The following KANSL1 variants were observed in gnomAD, a reference collection of about 807,000 sequenced individuals.
KANSL1 encodes KAT8 regulatory NSL complex subunit 1.
Under a neutral mutation model 103.6 loss-of-function variants are expected in KANSL1, and 22 were observed. That is an observed-to-expected ratio of 0.21 (90% CI 0.15 to 0.30). KANSL1 has a LOEUF of 0.30. Among genes scored for constraint, KANSL1 ranks in the 10% least tolerant of loss-of-function variants. KANSL1 has a pLI of 1.00. For missense variants in KANSL1, 1,337 were observed against 1,399.8 expected (o/e 0.96, Z 0.72); for synonymous variants, 600 against 527.6 (o/e 1.14, Z -1.88).
In KANSL1 at chr17:46,141,072, T is replaced by TAA. The variant is rs374950728; in HGVS notation, c.1289+29781_1289+29782dup. Among the ~76,000 whole-genome samples the TAA allele has an allele frequency of 5.5e-4, 81 of 145,948 alleles. No individual in the cohort carries two copies. In the East Asian group the frequency reaches 7.0e-3, roughly 13 times the overall value. On this transcript the variant is annotated intron_variant, in intron 2 of 14. Coordinates refer to ENST00000432791, the MANE Select transcript of KANSL1 (RefSeq NM_015443.4). Reference sequence around the variant, plus strand: ...AGAACAGTGATTGATCCTGTTTGTTTAAAAAAAAAAAAAGACAATGTACTC... The same window carrying TAA: ...AGAACAGTGATTGATCCTGTTTGTTTAAAAAAAAAAAAAAAGACAATGTACTC...
chr17:46,130,734 A>C (rs553096323), intron 2 of KANSL1, among the ~76,000 whole-genome samples: 2 of 152,294 alleles, frequency 1.3e-5, no homozygotes, highest in East Asian at 3.9e-4. Flanking sequence ...ACAGCTAAAT[A>C]CATCTCCAGC....
chr17:46,069,003 G>A (rs759094181), intron 4 of KANSL1, among the ~76,000 whole-genome samples: 5 of 152,128 alleles, frequency 3.3e-5, no homozygotes, highest in East Asian at 3.9e-4. Context: ...GCAGCTCACC[G>A]TAGCCTCCAC....
At chr17:46,074,280 G>C (rs1201496087) in intron 4 of KANSL1, among the ~76,000 whole-genome samples, 1 of 152,118 alleles carries the variant, frequency 6.6e-6, no homozygotes, top group African/African-American at 2.4e-5. Context: ...TGGAGCAACT[G>C]TATAAACAGT....
intron 9 of KANSL1, 60 bp downstream of exon 9, chr17:46,038,967 G>T: frequency 7.7e-6 from 12 of 1,565,136 alleles, no homozygotes; most frequent in Non-Finnish European, 1.0e-5. Context: ...AGCCTAGGCT[G>T]CCCCAGAAAG....
chr17:46,206,796 A>G (rs2047983548), intron 1 of KANSL1, among the ~76,000 whole-genome samples: 1 of 152,260 alleles, frequency 6.6e-6, no homozygotes, highest in African/African-American at 2.4e-5. Context: ...CACATGCAAC[A>G]AAGGAAAAAA....
chr17:46,181,305 T>TTAGAAGTGAGGG (rs1212092150), intron 1 of KANSL1, among the ~76,000 whole-genome samples: 1 of 152,240 alleles, frequency 6.6e-6, no homozygotes, highest in Non-Finnish European at 1.5e-5. Flanking sequence ...ACACTATCAG[T>TTAGAAGTGAGGG]CTAGCCCAGG....
intron 1 of KANSL1, among the ~76,000 whole-genome samples, chr17:46,204,641 T>C (rs2942163): frequency 0.14 from 21,953 of 152,190 alleles, 2,133 homozygotes; most frequent in Non-Finnish European, 0.22. Context: ...AAACCAGACA[T>C]AGATATCACA....
intron 7 of KANSL1, among the ~76,000 whole-genome samples, chr17:46,046,987 ACT>A (rs956440067): frequency 6.6e-6 from 1 of 152,114 alleles, no homozygotes; most frequent in African/African-American, 2.4e-5. Context: ...AAAGTCAGTG[ACT>A]CTGGAATCTG....
chr17:46,098,491 TA>T (rs1427475627), intron 2 of KANSL1, among the ~76,000 whole-genome samples: 1 of 152,262 alleles, frequency 6.6e-6, no homozygotes, highest in African/African-American at 2.4e-5. Flanking sequence ...GAAAATTACT[TA>T]AAACATTTTA....
chr17:46,151,048 G>A (rs1161506179), intron 2 of KANSL1, among the ~76,000 whole-genome samples: 4 of 152,112 alleles, frequency 2.6e-5, no homozygotes, highest in African/African-American at 7.2e-5. Flanking sequence ...TCACAGAGAA[G>A]TAATACAACA....
rs750907307 is a variant in KANSL1, at chr17:46,171,969, G to A, written c.175C>T (p.Pro59Ser). 4 of 1,614,268 alleles carry A rather than the reference G, an allele frequency of 2.5e-6. No homozygotes were observed. The highest frequency in any genetic ancestry group is 2.2e-5 in the South Asian group (2 of 91,092). Residue 59 changes from proline (P) to serine (S), a missense_variant, in exon 2 of 15, where the codon CCC (proline) becomes TCC (serine). Physicochemically the swap from Pro to Ser is moderately conservative, Grantham distance 74. Coordinates refer to ENST00000432791, the MANE Select transcript of KANSL1 (RefSeq NM_015443.4). Reference sequence around the variant, plus strand: ...GGATTATTTCGGAAATCTAGGCTGGGATCCTCTGCAGCAATGGCTTTTCTT... The same window carrying A: ...GGATTATTTCGGAAATCTAGGCTGGAATCCTCTGCAGCAATGGCTTTTCTT... ...TKRKAIAAED[P>S]SLDFRNNPTK...
chr17:46,075,370 G>GCT (rs112597362), intron 4 of KANSL1, among the ~76,000 whole-genome samples: 21,729 of 152,004 alleles, frequency 0.14, 2,102 homozygotes, highest in Non-Finnish European at 0.22. Context: ...ACACAATCTC[G>GCT]CTGTTGACCA....
At chr17:46,159,369 T>C (rs2147598570) in intron 2 of KANSL1, among the ~76,000 whole-genome samples, 1 of 152,366 alleles carries the variant, frequency 6.6e-6, no homozygotes, top group South Asian at 2.1e-4. Flanking sequence ...CTTACTCCCC[T>C]TTTAGTACTA....
chr17:46,185,184 A>T (rs2046962454), intron 1 of KANSL1, among the ~76,000 whole-genome samples: 1 of 152,236 alleles, frequency 6.6e-6, no homozygotes, highest in South Asian at 2.1e-4. Context: ...GTCCCCTACA[A>T]GCAGCACAAT....
chr17:46,223,194 A>AG (rs1471700728), intron 1 of KANSL1: 5 of 152,072 alleles, frequency 3.3e-5, no homozygotes, highest in Admixed American at 2.0e-4. Flanking sequence ...AGCAGGTCTT[A>AG]GAATGCCCTA....
Position 46,050,220 on chromosome 17 carries a change from C to T in KANSL1, c.2020+313G>A, listed in dbSNP as rs1002472694. On this transcript the variant is annotated intron_variant, in intron 7 of 14. Transcript: ENST00000432791. Reference sequence around the variant, plus strand: ...CGTGACCCACCACGCCTGGCCCAGACAAAACATTTTTAAAGATATACTAAG... The same window carrying T: ...CGTGACCCACCACGCCTGGCCCAGATAAAACATTTTTAAAGATATACTAAG... The T allele has an allele frequency of 9.7e-6, 3 of 309,158 alleles. No homozygotes were observed. The Admixed American group carries it at 1.4e-4, about 14-fold the overall frequency. 19.2% of individuals were successfully genotyped at this position (309,158 alleles called of 1,614,324 possible).
chr17:46,059,754 G>A (rs2078091965), intron 6 of KANSL1, among the ~76,000 whole-genome samples: 1 of 151,744 alleles, frequency 6.6e-6, no homozygotes, highest in Non-Finnish European at 1.5e-5. Context: ...TAGCTCTGCT[G>A]CCCAGACTGG....
intron 2 of KANSL1, among the ~76,000 whole-genome samples, chr17:46,098,777 A>T (rs2146986323): frequency 6.6e-6 from 1 of 152,404 alleles, no homozygotes; most frequent in African/African-American, 2.4e-5. Flanking sequence ...TTACAACATT[A>T]TTCTTCCATA....
intron 2 of KANSL1, among the ~76,000 whole-genome samples, chr17:46,138,657 C>T (rs2044271951): frequency 6.6e-6 from 1 of 152,240 alleles, no homozygotes; most frequent in South Asian, 2.1e-4. Context: ...TAATGGCTTT[C>T]AGTTCTGTAA....
Sources: gnomAD v4.1 joint callset for allele counts (sites outside exome capture counted in the v4.1 genomes callset) on GRCh38, gnomAD v4.1.1 for gene constraint, MANE v1.5 for transcripts, NCBI Gene and HGNC (gene_info 2026-07-23, HGNC 2026-07-21) for gene names.